MROH2A: variants seen among roughly 807,000 people sequenced by gnomAD.
MROH2A encodes the protein maestro heat-like repeat-containing protein family member 2A.
MROH2A carries 174 observed loss-of-function variants against 200.4 expected under a neutral mutation model. The observed-to-expected ratio is 0.87, with a 90% CI of 0.77 to 0.98. The LOEUF (loss-of-function observed/expected upper bound fraction) is 0.98, where lower values mean the gene tolerates loss of function less well. MROH2A is among the 50% of genes least tolerant of loss of function. MROH2A has a pLI of 0.00. For synonymous variants in MROH2A, 829 were observed against 840.4 expected, an observed-to-expected ratio of 0.99 and a Z score of 0.23; for missense variants, 2,045 against 2,139.6, an observed-to-expected ratio of 0.96 and a Z score of 0.87.
intron 5 of MROH2A, among the ~76,000 whole-genome samples, chr2:233,791,928 G>C (rs1402633804): frequency 3.3e-5 from 5 of 152,108 alleles, no homozygotes; most frequent in Non-Finnish European, 7.4e-5. Context: ...TCTGAAGATG[G>C]GGGTGCACTC....
chr2:233,795,945 C>G (rs1206695422), intron 9 of MROH2A, 22 bp from the exon 10 acceptor site: 1 of 1,549,602 alleles, frequency 6.5e-7, no homozygotes, highest in South Asian at 1.2e-5. Context: ...CTCCTCCAGC[C>G]TCACTGCACG....
intron 8 of MROH2A, 180 bp from the exon 9 acceptor site, chr2:233,795,472 TG>T: frequency 1.1e-6 from 1 of 952,296 alleles, no homozygotes; most frequent in Non-Finnish European, 1.6e-6. Flanking sequence ...ACCTGGGGGC[TG>T]GGTGAAATGC....
rs143612294 is a variant in MROH2A at position 233,807,626 on chromosome 2, T to TTG, written c.2173-93_2173-92dup. Reference sequence around the variant, plus strand: ...GTGTGTTCATGTGGCTGCATGCGTTTTGTGTGTGTGTGTGTACATGTGTGT... The same window carrying TTG: ...GTGTGTTCATGTGGCTGCATGCGTTTTGTGTGTGTGTGTGTGTACATGTGTGT... On this transcript the variant is annotated intron_variant, in intron 20 of 41. Coordinates refer to ENST00000389758, the MANE Select transcript of MROH2A (RefSeq NM_001394639.1). The surrounding 1 kb of genome is among the most constrained non-coding windows in gnomAD (Gnocchi z 4.3). The TTG allele has an allele frequency of 0.013, 19,266 of 1,460,544 alleles. 807 individuals are homozygous for TTG. In the East Asian group the frequency reaches 0.16, roughly 12 times the overall value. 90.5% of individuals were successfully genotyped at this position (1,460,544 alleles called of 1,614,324 possible).
chr2:233,788,132 T>TATATATACATATATA lies in MROH2A; in HGVS notation c.277-1365_277-1364insATATATACATATATA, dbSNP rs1559438187. Among the ~76,000 whole-genome samples, 18 of 106,910 alleles carry TATATATACATATATA rather than the reference T, an allele frequency of 1.7e-4. 1 individual carries two copies. The East Asian group carries it at 1.9e-3, about 11-fold the overall frequency. 70.1% of individuals were successfully genotyped at this position (106,910 alleles called of 152,430 possible). A position where few individuals can be genotyped will look rare whatever the true frequency, so the allele number is the denominator to read the frequency against. ...ATATATATTATATATACATATATAT[T>TATATATACATATATA]TTATATATATATAATATATATTTTA... On this transcript the variant is annotated intron_variant, in intron 3 of 41. Coordinates refer to ENST00000389758, the MANE Select transcript of MROH2A (RefSeq NM_001394639.1).
chr2:233,787,620 ACATATATATT>A (rs1559435700), intron 3 of MROH2A, among the ~76,000 whole-genome samples: 17 of 65,226 alleles, frequency 2.6e-4, no homozygotes, highest in African/African-American at 1.2e-3. Flanking sequence ...TATCATATAT[ACATATATATT>A]ATATATATTA....
At chr2:233,779,474 C>T (rs1472875698) in intron 2 of MROH2A, 22 bp downstream of exon 2, 2 of 1,521,482 alleles carry the variant, frequency 1.3e-6, no homozygotes, top group South Asian at 2.4e-5. Context: ...ATCCACATTT[C>T]TGCTTTCCTG....
At chr2:233,776,908 G>A (rs952236891), upstream of MROH2A, among the ~76,000 whole-genome samples, 1 of 152,062 alleles carries the variant, frequency 6.6e-6, no homozygotes, top group Non-Finnish European at 1.5e-5. Flanking sequence ...TCATATTCCC[G>A]CTCACTGTCT....
intron 12 of MROH2A, 105 bp downstream of exon 12, chr2:233,798,955 G>A (rs558461348): frequency 8.6e-5 from 80 of 929,080 alleles, no homozygotes; most frequent in South Asian, 1.9e-4. Flanking sequence ...TGGAAAACCC[G>A]GCTTTCCATC....
chr2:233,821,281 A>G (rs1703919675), intron 31 of MROH2A, among the ~76,000 whole-genome samples: 3 of 152,230 alleles, frequency 2.0e-5, no homozygotes, highest in South Asian at 4.1e-4. Context: ...GCTTCTTGCC[A>G]TTGTAGGACT....
chr2:233,813,071 G>T (rs747785999), intron 24 of MROH2A, among the ~76,000 whole-genome samples: 6 of 152,182 alleles, frequency 3.9e-5, no homozygotes, highest in South Asian at 2.1e-4. Context: ...AATCCTCGAG[G>T]TATCTTTAAT....
rs1346422795 is a variant in MROH2A, at chr2:233,818,592, A to AG, written c.3086-53dup. The AG allele has an allele frequency of 4.2e-5, 46 of 1,087,428 alleles. 1 individual carries two copies. The highest frequency in any genetic ancestry group is 2.6e-4 in the African/African-American group (16 of 62,696). 67.4% of individuals were successfully genotyped at this position (1,087,428 alleles called of 1,614,324 possible). A position where few individuals can be genotyped will look rare whatever the true frequency, so the allele number is the denominator to read the frequency against. ...AAGCCAGGGCAGGAGGTAGCCACGA[A>AG]GGGGGGGTGGCTGGGCCTTTTGTCC... On this transcript the variant is annotated intron_variant, in intron 28 of 41. Transcript: ENST00000389758.
rs930861670 is a variant in MROH2A, at chr2:233,831,358, G to A, written c.4603-51G>A. 2.9e-5 allele frequency: 43 copies of A among 1,504,362 alleles called. No individual in the cohort carries two copies. In the Admixed American group the frequency reaches 9.0e-4, roughly 32 times the overall value. 93.2% of individuals were successfully genotyped at this position (1,504,362 alleles called of 1,614,324 possible). A position where few individuals can be genotyped will look rare whatever the true frequency, so the allele number is the denominator to read the frequency against. On this transcript the variant is annotated intron_variant, in intron 38 of 41. Transcript: ENST00000389758. ...CTTCCTGCCAGCCTCACCCCTCTGG[G>A]GAACCACGTGGCCTGGCTGATGGCT... is the stretch of plus-strand genomic sequence containing the variant.
At chr2:233,806,571 AAGAAACACATCACAGTG>A (rs1443903726) in intron 19 of MROH2A, among the ~76,000 whole-genome samples, 1 of 152,216 alleles carries the variant, frequency 6.6e-6, no homozygotes, top group Non-Finnish European at 1.5e-5. Flanking sequence ...CTAAAAATCA[AAGAAACACATCACAGTG>A]AGAATGTTCC....
chr2:233,815,699 A>G (rs1356855251), intron 26 of MROH2A, among the ~76,000 whole-genome samples: 2 of 152,190 alleles, frequency 1.3e-5, no homozygotes, highest in Non-Finnish European at 2.9e-5. Flanking sequence ...ATCAAAGGCT[A>G]TGTACGTGTG....
In MROH2A at chr2:233,820,529, A is replaced by G. The variant is rs541880701; in HGVS notation, c.3512+473A>G. Among the ~76,000 whole-genome samples, 13 of 152,148 alleles carry G rather than the reference A, an allele frequency of 8.5e-5. No homozygotes were observed. Among genetic ancestry groups the G allele is most frequent in the Non-Finnish European group, 1.9e-4 (13 of 68,024 alleles). On this transcript the variant is annotated intron_variant, in intron 31 of 41. Transcript: ENST00000389758. The surrounding 1 kb of genome is among the most constrained non-coding windows in gnomAD (Gnocchi z 4.1). ...ACCTCCAGCCCCAGAGGTGGCCATG[A>G]GTGATGCAGAGCCACCCCATCTTTA...
In MROH2A at chr2:233,793,809, G is replaced by A. The variant is rs1415263021; in HGVS notation, c.807G>A (p.Arg269=). The change falls in exon 7 of 42, where the codon AGG becomes AGA. Residue 269 remains arginine (R), a synonymous_variant. Transcript: ENST00000389758. ...GCTACTTCGTGACAGTGTGGCTGAGGCACTACAACCCCGAGGTGAGATGCA... is the reference window on the plus strand; with the variant it reads ...GCTACTTCGTGACAGTGTGGCTGAGACACTACAACCCCGAGGTGAGATGCA... The part of the protein sequence containing the change: ...MYRYFVTVWL[R]HYNPEVKLGV... 6.9e-6 allele frequency: 10 copies of A among 1,450,562 alleles called. No homozygotes were observed. The highest frequency in any genetic ancestry group is 9.1e-6 in the Non-Finnish European group (10 of 1,098,574). The allele number at this position is 1,450,562 out of a possible 1,614,324, so 89.9% of individuals were successfully genotyped here. A position where few individuals can be genotyped will look rare whatever the true frequency, so the allele number is the denominator to read the frequency against.
intron 27 of MROH2A, 81 bp from the exon 28 acceptor site, chr2:233,817,921 T>C: frequency 6.6e-7 from 1 of 1,511,892 alleles, no homozygotes; most frequent in Non-Finnish European, 8.9e-7. Flanking sequence ...CCTATCAAGT[T>C]GTCCTTTACA....
At chr2:233,831,001 C>T (rs938223495) in intron 38 of MROH2A, among the ~76,000 whole-genome samples, 3 of 152,164 alleles carry the variant, frequency 2.0e-5, no homozygotes, top group East Asian at 1.9e-4. Context: ...CCTGCCCTGC[C>T]GTCTCCAGAA....
At chr2:233,812,063 C>A in intron 24 of MROH2A, 104 bp downstream of exon 24, 1 of 805,540 alleles carries the variant, frequency 1.2e-6, no homozygotes, top group Non-Finnish European at 2.0e-6. Flanking sequence ...TCCTCTCCTC[C>A]CTCTGTAGCA....
Sources: gnomAD v4.1 joint callset for allele counts (sites outside exome capture counted in the v4.1 genomes callset) on GRCh38, gnomAD v4.1.1 for gene constraint, Gnocchi (gnomAD v3.1) non-coding constraint, MANE v1.5 for transcripts, NCBI Gene and HGNC (gene_info 2026-07-23, HGNC 2026-07-21) for gene names.